Variants in TOR3A observed in about 807,000 individuals in gnomAD.
The protein encoded by TOR3A is torsin family 3 member A.
TOR3A carries 44 observed loss-of-function variants against 42.1 expected under a neutral mutation model. The observed-to-expected ratio is 1.04, with a 90% CI of 0.82 to 1.34. The LOEUF (loss-of-function observed/expected upper bound fraction) is 1.34. Ranked by LOEUF, TOR3A falls within the 40% of genes most tolerant of loss-of-function variation. The pLI is 0.00. For missense variants in TOR3A, 521 were observed against 507.6 expected (o/e 1.03, Z -0.25); for synonymous variants, 227 against 213.2 (o/e 1.06, Z -0.57).
chr1:179,095,410 T>A lies in TOR3A; in HGVS notation c.*192T>A. ...AGCCAAGCCAATCCTTTTTCTTTTT[T>A]TTGGAGGTCCCACCGAGATAGATAG... On this transcript the variant is annotated 3_prime_UTR_variant, in exon 6 of 6. Transcript: ENST00000367627. The A allele has an allele frequency of 5.1e-6, 7 of 1,363,264 alleles. No homozygotes were observed. Among genetic ancestry groups the A allele is most frequent in the Admixed American group, 3.1e-5 (1 of 32,144 alleles). 84.4% of individuals were successfully genotyped at this position (1,363,264 alleles called of 1,614,324 possible).
rs1352989947 is a variant in TOR3A, at chr1:179,095,222, C to G, written c.*4C>G. On this transcript the variant is annotated 3_prime_UTR_variant, in exon 6 of 6. Transcript: ENST00000367627. Reference sequence around the variant, plus strand: ...GATTAACTACTTCCTGTCATGAAGGCTAGAGGAAGACTTCCTGGAACTGCC... The same window carrying G: ...GATTAACTACTTCCTGTCATGAAGGGTAGAGGAAGACTTCCTGGAACTGCC... The G allele has an allele frequency of 6.2e-7, 1 of 1,613,738 alleles. No individual in the cohort carries two copies. Among genetic ancestry groups the G allele is most frequent in the Middle Eastern group, 1.7e-4 (1 of 5,960 alleles).
Position 179,095,386 on chromosome 1 carries a change from G to C in TOR3A, c.*168G>C, listed in dbSNP as rs569794081. 7 of 1,469,352 alleles carry C rather than the reference G, an allele frequency of 4.8e-6. No individual in the cohort carries two copies. The South Asian group carries it at 1.0e-4, about 21-fold the overall frequency. 91.0% of individuals were successfully genotyped at this position (1,469,352 alleles called of 1,614,324 possible). On this transcript the variant is annotated 3_prime_UTR_variant, in exon 6 of 6. Transcript: ENST00000367627. ...GTAAAAGGCAGGCCTTACATTAGAA[G>C]CCAAGCCAATCCTTTTTCTTTTTTT...
rs1411393156 is a variant in TOR3A at position 179,089,812 on chromosome 1, TC to T, written c.818+1725del. ...CCCAGCCTCGGGCCTCCCTTTCGCT[TC>T]CACAGGGATCTCCCTTGCGCTGAGT... On this transcript the variant is annotated intron_variant, in intron 4 of 5. Transcript: ENST00000367627. Among the ~76,000 whole-genome samples, 4 of 152,120 alleles carry T rather than the reference TC, an allele frequency of 2.6e-5. No individual in the cohort carries two copies. The East Asian group carries it at 7.8e-4, about 30-fold the overall frequency.
At position 179,094,183 on chromosome 1, in the gene TOR3A, G is replaced by C. The variant is rs1481540788; in HGVS notation, c.909G>C (p.Glu303Asp). Reference sequence around the variant, plus strand: ...AAGAAATTACGATGGAACACCTGGAGCCCCACCTCCAGGCGGAGATTGTGG... The same window carrying C: ...AAGAAATTACGATGGAACACCTGGACCCCCACCTCCAGGCGGAGATTGTGG... The part of the protein sequence containing the change: ...SREEITMEHL[E>D]PHLQAEIVET... The change falls in exon 5 of 6, where the codon GAG becomes GAC. Residue 303 changes from glutamate to aspartate, a missense_variant. Physicochemically the swap from Glu to Asp is conservative, Grantham distance 45. Transcript: ENST00000367627. The C allele has an allele frequency of 7.4e-6, 12 of 1,614,070 alleles. No homozygotes were observed. Among genetic ancestry groups the C allele is most frequent in the Non-Finnish European group, 1.0e-5 (12 of 1,179,984 alleles).
rs753850517 is a variant in TOR3A at position 179,094,120 on chromosome 1, G to T, written c.846G>T (p.Glu282Asp). ...LSNLRGDIIN[E>D]VVLKLLKAGW... ...ATCTCAGGGGCGATATAATCAATGA[G>T]GTGGTCCTAAAGTTGCTCAAGGCTG... The change falls in exon 5 of 6, where the codon GAG becomes GAT. Residue 282 changes from glutamate to aspartate, a missense_variant. Glu to Asp is a conservative substitution (Grantham distance 45). Coordinates refer to ENST00000367627, the MANE Select transcript of TOR3A (RefSeq NM_022371.4). The T allele has an allele frequency of 1.2e-6, 2 of 1,613,888 alleles. No homozygotes were observed. Among genetic ancestry groups the T allele is most frequent in the Non-Finnish European group, 1.7e-6 (2 of 1,179,958 alleles).
intron 1 of TOR3A, 34 bp downstream of exon 1, chr1:179,082,421 G>A: frequency 6.4e-7 from 1 of 1,573,392 alleles, no homozygotes; most frequent in Non-Finnish European, 8.6e-7. Context: ...GCCGTTCGCT[G>A]CGGAGCAGAG....
rs938607690 is a variant in TOR3A at position 179,095,978 on chromosome 1, A to ATTT, written c.*763_*765dup. 7.6e-5 allele frequency: 75 copies of ATTT among 985,206 alleles called. No individual in the cohort carries two copies. The highest frequency in any genetic ancestry group is 6.2e-4 in the Admixed American group (10 of 16,248). 61.0% of individuals were successfully genotyped at this position (985,206 alleles called of 1,614,324 possible). Reference sequence around the variant, plus strand: ...TGTATGTAAAGATGATAAGATTAAAATTTTTGATTTTCCTAAAATCCTTGG... The same window carrying ATTT: ...TGTATGTAAAGATGATAAGATTAAAATTTTTTTTGATTTTCCTAAAATCCTTGG... On this transcript the variant is annotated 3_prime_UTR_variant, in exon 6 of 6. Coordinates refer to ENST00000367627, the MANE Select transcript of TOR3A (RefSeq NM_022371.4).
chr1:179,095,401 T>C lies in TOR3A; in HGVS notation c.*183T>C, dbSNP rs1652714636. On this transcript the variant is annotated 3_prime_UTR_variant, in exon 6 of 6. Transcript: ENST00000367627. ...TACATTAGAAGCCAAGCCAATCCTT[T>C]TTCTTTTTTTTGGAGGTCCCACCGA... The C allele has an allele frequency of 6.3e-6, 9 of 1,436,740 alleles. No individual in the cohort carries two copies. The highest frequency in any genetic ancestry group is 2.6e-4 in the Middle Eastern group (1 of 3,880). 89.0% of individuals were successfully genotyped at this position (1,436,740 alleles called of 1,614,324 possible).
chr1:179,086,802 C>CT (rs1172667610), intron 3 of TOR3A, among the ~76,000 whole-genome samples: 4 of 152,270 alleles, frequency 2.6e-5, no homozygotes, highest in Non-Finnish European at 5.9e-5. Flanking sequence ...TGGGTTTCTT[C>CT]TACTAATTCA....
At chr1:179,087,245 AAGGAACCCTCCAC>A (rs1210541403) in intron 3 of TOR3A, among the ~76,000 whole-genome samples, 3 of 152,222 alleles carry the variant, frequency 2.0e-5, no homozygotes, top group East Asian at 3.8e-4. Context: ...TGCCTGGGGC[AAGGAACCCTCCAC>A]AGCTTGCAGG....
At chr1:179,090,771 G>A (rs772316843) in intron 4 of TOR3A, among the ~76,000 whole-genome samples, 5 of 152,178 alleles carry the variant, frequency 3.3e-5, no homozygotes, top group Admixed American at 6.5e-5. Context: ...AAGGCTGCAG[G>A]AATGGGCTCA....
chr1:179,091,586 C>G (rs370823288), intron 4 of TOR3A: 2 of 152,388 alleles, frequency 1.3e-5, no homozygotes, highest in African/African-American at 4.8e-5. Flanking sequence ...GCCTGATACG[C>G]ACATAGCACT....
At position 179,082,976 on chromosome 1, in the gene TOR3A, A is replaced by ACCT; in HGVS notation, c.300_302dup (p.Leu101dup). ...CCTCTGTTGGGCCAGCGGTACCTGG[A>ACCT]CCTCCTGACCACGTGGTACTGCAGC... is the stretch of plus-strand genomic sequence containing the variant. On this transcript the variant is annotated inframe_insertion, in exon 2 of 6. Transcript: ENST00000367627. 6.3e-7 allele frequency: 1 copy of ACCT among 1,586,940 alleles called. No individual in the cohort carries two copies. The highest frequency in any genetic ancestry group is 8.6e-7 in the Non-Finnish European group (1 of 1,167,564).
chr1:179,094,874 T>C, intron 5 of TOR3A, 94 bp from the exon 6 acceptor site: 1 of 1,264,132 alleles, frequency 7.9e-7, no homozygotes, highest in South Asian at 1.3e-5. Flanking sequence ...CAAGCCCCTG[T>C]TTCAAAGAAA....
At position 179,095,151 on chromosome 1, in the gene TOR3A, A is replaced by G; in HGVS notation, c.1127A>G (p.Glu376Gly). The change falls in exon 6 of 6, where the codon GAG becomes GGG. Residue 376 changes from glutamate to glycine, a missense_variant. Transcript: ENST00000367627. ...IAQMMVYVPK[E>G]EQLFSSQGCK... Reference sequence around the variant, plus strand: ...CAGATGATGGTGTATGTCCCCAAGGAGGAACAACTCTTTTCTTCCCAGGGC... The same window carrying G: ...CAGATGATGGTGTATGTCCCCAAGGGGGAACAACTCTTTTCTTCCCAGGGC... The G allele has an allele frequency of 6.2e-7, 1 of 1,614,198 alleles. No individual in the cohort carries two copies. The highest frequency in any genetic ancestry group is 8.5e-7 in the Non-Finnish European group (1 of 1,180,024).
chr1:179,094,079 C>G lies in TOR3A; in HGVS notation c.819-14C>G. On this transcript the variant is annotated splice_polypyrimidine_tract_variant and intron_variant, in intron 4 of 5. Coordinates refer to ENST00000367627, the MANE Select transcript of TOR3A (RefSeq NM_022371.4). ...ATATAAACAAATGGGTTAACAAGCT[C>G]TTGTCTCTTTCAGTAATCTCAGGGG... is the stretch of plus-strand genomic sequence containing the variant. 1 of 1,610,462 alleles carries G rather than the reference C, an allele frequency of 6.2e-7. No individual in the cohort carries two copies. The highest frequency in any genetic ancestry group is 8.5e-7 in the Non-Finnish European group (1 of 1,178,628).
chr1:179,089,983 A>G (rs1652535415), intron 4 of TOR3A, among the ~76,000 whole-genome samples: 1 of 151,996 alleles, frequency 6.6e-6, no homozygotes. Flanking sequence ...TGCAGTCTCC[A>G]GGCAAATGTT....
intron 3 of TOR3A, among the ~76,000 whole-genome samples, chr1:179,087,099 C>T (rs773905646): frequency 1.3e-5 from 2 of 152,270 alleles, no homozygotes; most frequent in Non-Finnish European, 2.9e-5. Context: ...GCACCTCACA[C>T]TTTCCCCCAC....
At chr1:179,094,340 C>CT (rs1359576885) in intron 5 of TOR3A, 123 bp downstream of exon 5, 2 of 1,253,360 alleles carry the variant, frequency 1.6e-6, no homozygotes, top group Non-Finnish European at 2.1e-6. Context: ...AGACTATAAT[C>CT]ATCTCACATT....
Sources: gnomAD v4.1 joint callset for allele counts (sites outside exome capture counted in the v4.1 genomes callset) on GRCh38, gnomAD v4.1.1 for gene constraint, MANE v1.5 for transcripts, NCBI Gene and HGNC (gene_info 2026-07-23, HGNC 2026-07-21) for gene names.